HIVEP2: variants seen among roughly 807,000 people sequenced by gnomAD.
HIVEP2 encodes the protein transcription factor HIVEP2.
Under a neutral mutation model 180.7 loss-of-function variants are expected in HIVEP2, and 14 were observed. The observed-to-expected ratio is 0.08, with a 90% CI of 0.05 to 0.12. The LOEUF (loss-of-function observed/expected upper bound fraction) is 0.12. Among genes scored for constraint, HIVEP2 ranks in the 10% least tolerant of loss-of-function variants. The pLI is 1.00. For synonymous variants in HIVEP2, 1,184 were observed against 1,136.4 expected (o/e 1.04, Z -0.84); for missense variants, 2,579 against 3,008.5 (o/e 0.86, Z 3.34).
chr6:142,818,769 G>GAA lies in HIVEP2; in HGVS notation c.-528+18164_-528+18165dup, dbSNP rs1243508378. On this transcript the variant is annotated intron_variant, in intron 2 of 9. Coordinates refer to ENST00000367603, the MANE Select transcript of HIVEP2 (RefSeq NM_006734.4). ...AGAAAGAAAGAAAGAAAGAAAGAAAGAAAGAAAGAAAGAAAGAAAGAAAAA... is the reference window on the plus strand; with the variant it reads ...AGAAAGAAAGAAAGAAAGAAAGAAAGAAAAAGAAAGAAAGAAAGAAAGAAAAA... Among the ~76,000 whole-genome samples, 15 of 122,398 alleles carry GAA rather than the reference G, an allele frequency of 1.2e-4. No homozygotes were observed. In the East Asian group the frequency reaches 3.5e-3, roughly 28 times the overall value. The allele number at this position is 122,398 out of a possible 152,430, so 80.3% of individuals were successfully genotyped here.
intron 1 of HIVEP2, among the ~76,000 whole-genome samples, chr6:142,855,959 A>G (rs1363879257): frequency 6.6e-6 from 1 of 152,150 alleles, no homozygotes; most frequent in Non-Finnish European, 1.5e-5. Flanking sequence ...TGTTTTCCCA[A>G]CTGAAACACC....
At position 142,774,929 on chromosome 6, in the gene HIVEP2, C is replaced by G; in HGVS notation, c.-191G>C. On this transcript the variant is annotated 5_prime_UTR_variant, in exon 5 of 10. Transcript: ENST00000367603. This position sits in a 1 kb window ranked among gnomAD's most constrained non-coding sequence, Gnocchi z 5.1. ...TCGATGGGCATTAGCTAGTAATGTC[C>G]TTGGACCAGGGCTATAACACAGTTC... The G allele has an allele frequency of 4.8e-6, 7 of 1,443,702 alleles. No individual in the cohort carries two copies. The highest frequency in any genetic ancestry group is 6.3e-6 in the Non-Finnish European group (7 of 1,104,478). The allele number at this position is 1,443,702 out of a possible 1,614,324, so 89.4% of individuals were successfully genotyped here.
At chr6:142,793,116 T>C (rs1376163235) in intron 2 of HIVEP2, among the ~76,000 whole-genome samples, 3 of 152,172 alleles carry the variant, frequency 2.0e-5, no homozygotes, top group Non-Finnish European at 4.4e-5. Flanking sequence ...TTTTTCTGAG[T>C]CAATAACCAT....
intron 1 of HIVEP2, among the ~76,000 whole-genome samples, chr6:142,904,868 A>G (rs938381188): frequency 6.6e-6 from 1 of 152,154 alleles, no homozygotes; most frequent in Non-Finnish European, 1.5e-5. Context: ...CACTATTATT[A>G]TCAGTTAAGT....
At position 142,774,250 on chromosome 6, in the gene HIVEP2, G is replaced by C. The variant is rs1775632712; in HGVS notation, c.489C>G (p.Ser163Arg). Residue 163 changes from serine to arginine, a missense_variant, in exon 5 of 10, where the codon AGC becomes AGG. Ser to Arg is a moderately radical substitution (Grantham distance 110, BLOSUM62 -1). This residue lies in a region of HIVEP2 where 207 missense variants were observed against 210.1 expected (regional missense o/e 0.99). Coordinates refer to ENST00000367603, the MANE Select transcript of HIVEP2 (RefSeq NM_006734.4). The surrounding 1 kb of genome is among the most constrained non-coding windows in gnomAD (Gnocchi z 5.1). ...KKISSLNPAYSQYSQKSIEQA... is the reference protein window; with the variant it reads ...KKISSLNPAYRQYSQKSIEQA... The stretch of plus-strand genomic sequence containing the variant: ...GTTCAATACTTTTCTGGGAGTATTG[G>C]CTATAAGCAGGGTTCAGACTTGAAA... 1.2e-6 allele frequency: 2 copies of C among 1,614,038 alleles called. No homozygotes were observed. The highest frequency in any genetic ancestry group is 1.3e-5 in the African/African-American group (1 of 74,934).
chr6:142,800,419 T>G (rs1776375297), intron 2 of HIVEP2, among the ~76,000 whole-genome samples: 1 of 152,138 alleles, frequency 6.6e-6, no homozygotes, highest in African/African-American at 2.4e-5. Flanking sequence ...AAACAATGGG[T>G]TCCTTTCCAA....
At chr6:142,898,812 C>G (rs1777061468) in intron 1 of HIVEP2, among the ~76,000 whole-genome samples, 2 of 152,158 alleles carry the variant, frequency 1.3e-5, no homozygotes, top group South Asian at 4.1e-4. Flanking sequence ...TTTCCCTCAC[C>G]CTTCACACTG....
intron 1 of HIVEP2, among the ~76,000 whole-genome samples, chr6:142,860,119 T>G (rs965899947): frequency 6.6e-6 from 1 of 152,102 alleles, no homozygotes; most frequent in Non-Finnish European, 1.5e-5. Flanking sequence ...AACATTTTTC[T>G]GAACTGTAAA....
intron 3 of HIVEP2, among the ~76,000 whole-genome samples, chr6:142,783,172 AC>A (rs1477245589): frequency 3.9e-5 from 6 of 152,012 alleles, no homozygotes; most frequent in Admixed American, 6.6e-5. Context: ...TACTAAAAAT[AC>A]AAAAATTAGC....
Position 142,773,868 on chromosome 6 carries a change from C to G in HIVEP2, c.871G>C (p.Ala291Pro). ...GGACCAGGACTCATTTTGTCAGAAG[C>G]CTCGGCAAATAAAGAACTCTCCTCA... ...TDEESSLFAE[A>P]SDKMSPGPPI... Residue 291 changes from alanine (A) to proline (P), a missense_variant, in exon 5 of 10, where the codon GCT becomes CCT. This residue lies in a region of HIVEP2 where 142 missense variants were observed against 135.2 expected (regional missense o/e 1.05). Transcript: ENST00000367603. 1 of 1,613,626 alleles carries G rather than the reference C, an allele frequency of 6.2e-7. No homozygotes were observed.
chr6:142,801,773 G>A (rs1317454321), intron 2 of HIVEP2, among the ~76,000 whole-genome samples: 1 of 152,238 alleles, frequency 6.6e-6, no homozygotes, highest in African/African-American at 2.4e-5. Flanking sequence ...ATCATTGTAA[G>A]ATATGAATTT....
At chr6:142,817,349 T>C (rs1214906327) in intron 2 of HIVEP2, among the ~76,000 whole-genome samples, 1 of 152,242 alleles carries the variant, frequency 6.6e-6, no homozygotes, top group African/African-American at 2.4e-5. Flanking sequence ...AATTTCACTT[T>C]GGCTGTATGC....
intron 2 of HIVEP2, among the ~76,000 whole-genome samples, chr6:142,816,599 C>A (rs1582884858): frequency 6.6e-6 from 1 of 152,188 alleles, no homozygotes; most frequent in Non-Finnish European, 1.5e-5. Context: ...ATTTCTCGTT[C>A]TTCACTCTAA....
intron 1 of HIVEP2, among the ~76,000 whole-genome samples, chr6:142,907,819 C>T (rs544088156): frequency 1.3e-5 from 2 of 152,308 alleles, no homozygotes; most frequent in South Asian, 4.1e-4. Context: ...TCCAATTGTA[C>T]TTTGATGGCC....
At chr6:142,769,353 G>T (rs529632813) in intron 5 of HIVEP2, among the ~76,000 whole-genome samples, 199 bp downstream of exon 5, 1 of 152,230 alleles carries the variant, frequency 6.6e-6, no homozygotes, top group Non-Finnish European at 1.5e-5. Flanking sequence ...TCTGAAAATG[G>T]ACCATGCCTG....
intron 2 of HIVEP2, 40 bp downstream of exon 2, chr6:142,836,895 T>C (rs1473294035): frequency 6.6e-6 from 1 of 152,132 alleles, no homozygotes; most frequent in Admixed American, 6.6e-5. Flanking sequence ...TCCAATAACT[T>C]TGAAATCAAA....
At chr6:142,781,214 T>C (rs999967759) in intron 3 of HIVEP2, among the ~76,000 whole-genome samples, 4 of 152,198 alleles carry the variant, frequency 2.6e-5, no homozygotes, top group Non-Finnish European at 5.9e-5. Context: ...TAATATTTCA[T>C]TAAAATATAT....
At chr6:142,809,776 G>A (rs1776643973) in intron 2 of HIVEP2, among the ~76,000 whole-genome samples, 1 of 152,028 alleles carries the variant, frequency 6.6e-6, no homozygotes, top group Non-Finnish European at 1.5e-5. Context: ...TGTATTTTTA[G>A]TAGAGACGGG....
chr6:142,795,340 G>T (rs549582793), intron 2 of HIVEP2, among the ~76,000 whole-genome samples: 16 of 151,654 alleles, frequency 1.1e-4, no homozygotes, highest in Admixed American at 3.3e-4. Flanking sequence ...TCACTGAAGG[G>T]AAAAAATTTG....
Sources: allele counts gnomAD v4.1 joint callset (sites outside exome capture counted in the v4.1 genomes callset), GRCh38; gene constraint gnomAD v4.1.1; regional missense constraint gnomAD v4.1.1; non-coding constraint Gnocchi (gnomAD v3.1); transcripts MANE v1.5; gene names NCBI Gene and HGNC (gene_info 2026-07-23, HGNC 2026-07-21).